Variants in TMEM117 observed in about 807,000 individuals in gnomAD.
TMEM117 encodes transmembrane protein 117.
A neutral mutation model predicts 52.4 loss-of-function variants in TMEM117; 27 were observed. That is an observed-to-expected ratio of 0.51 (90% CI 0.38 to 0.71). TMEM117 has a LOEUF of 0.71. TMEM117 is among the 30% of genes least tolerant of loss of function. The pLI is 0.00. For synonymous variants in TMEM117, 215 were observed against 206.3 expected (o/e 1.04, Z -0.36); for missense variants, 556 against 630.5 (o/e 0.88, Z 1.26).
intron 6 of TMEM117, among the ~76,000 whole-genome samples, chr12:44,328,764 T>C (rs190059629): frequency 6.6e-5 from 10 of 152,080 alleles, no homozygotes; most frequent in Admixed American, 6.6e-4. Flanking sequence ...TCAGATACCA[T>C]TCAAAAAAAC....
chr12:44,299,601 G>T lies in TMEM117; in HGVS notation c.630G>T (p.Thr210=). 2 of 1,614,104 alleles carry T rather than the reference G, an allele frequency of 1.2e-6. No individual in the cohort carries two copies. The highest frequency in any genetic ancestry group is 8.5e-7 in the Non-Finnish European group (1 of 1,180,002). ...TLFWTVLFTL[T]SVVVLVITTD... is the part of the protein sequence containing the mutation. ...ACAGGACAGTTCTTTTTACTCTGAC[G>T]TCTGTGGTTGTACTTGTGATTACAA... The change falls in exon 6 of 8, where the codon ACG becomes ACT. Residue 210 remains threonine, a synonymous_variant. Coordinates refer to ENST00000266534, the MANE Select transcript of TMEM117 (RefSeq NM_032256.3).
At chr12:43,892,447 A>G (rs945757840) in intron 2 of TMEM117, among the ~76,000 whole-genome samples, 2 of 152,208 alleles carry the variant, frequency 1.3e-5, no homozygotes, top group African/African-American at 4.8e-5. Context: ...GGTAAGCCAT[A>G]TCGTTTATAT....
At chr12:44,179,572 C>T (rs1277190639) in intron 4 of TMEM117, among the ~76,000 whole-genome samples, 2 of 152,222 alleles carry the variant, frequency 1.3e-5, no homozygotes, top group African/African-American at 4.8e-5. Context: ...CTGCTTATCT[C>T]CCTTCTTCTA....
chr12:43,879,239 GATTTT>G (rs1477014967), intron 2 of TMEM117, among the ~76,000 whole-genome samples: 3 of 152,146 alleles, frequency 2.0e-5, no homozygotes, highest in Non-Finnish European at 2.9e-5. Flanking sequence ...GAATAAGGCA[GATTTT>G]ATTTTATGTT....
At chr12:44,135,022 C>T (rs371366312) in intron 3 of TMEM117, among the ~76,000 whole-genome samples, 2 of 152,110 alleles carry the variant, frequency 1.3e-5, no homozygotes, top group Admixed American at 6.6e-5. Context: ...CCTCTGCCTG[C>T]CCTCTCACTC....
intron 4 of TMEM117, among the ~76,000 whole-genome samples, chr12:44,196,451 G>T (rs1592597766): frequency 6.6e-6 from 1 of 152,086 alleles, no homozygotes; most frequent in Admixed American, 6.6e-5. Context: ...GTAACCATAT[G>T]CTTCAATACA....
At chr12:44,038,525 G>T (rs1592462937) in intron 3 of TMEM117, among the ~76,000 whole-genome samples, 1 of 152,174 alleles carries the variant, frequency 6.6e-6, no homozygotes, top group Non-Finnish European at 1.5e-5. Flanking sequence ...CACCACTCGT[G>T]CCTGGCTTGC....
intron 3 of TMEM117, among the ~76,000 whole-genome samples, chr12:44,123,875 G>T (rs1284379119): frequency 6.6e-6 from 1 of 152,040 alleles, no homozygotes; most frequent in African/African-American, 2.4e-5. Context: ...GATTGTCTTG[G>T]CTAGTCATGA....
chr12:43,878,708 T>A (rs2137444876), intron 2 of TMEM117, among the ~76,000 whole-genome samples: 1 of 152,318 alleles, frequency 6.6e-6, no homozygotes, highest in East Asian at 1.9e-4. Context: ...TTAGAAAATT[T>A]TAAGCCTAGT....
chr12:44,395,703 A>G, the TMEM117 span, among the ~76,000 whole-genome samples: 1 of 152,200 alleles, frequency 6.6e-6, no homozygotes, highest in African/African-American at 2.4e-5. Flanking sequence ...TTGACTTTCT[A>G]GGGTCTTACA....
At chr12:43,804,725 C>T in the TMEM117 span, among the ~76,000 whole-genome samples, 5,978 of 152,156 alleles carry the variant, frequency 0.039, 142 homozygotes, top group African/African-American at 0.048. Context: ...CATAAAATAA[C>T]GAAGACTGTA....
intron 3 of TMEM117, among the ~76,000 whole-genome samples, chr12:44,041,780 G>C (rs1946802506): frequency 6.6e-6 from 1 of 152,150 alleles, no homozygotes; most frequent in Admixed American, 6.6e-5. Flanking sequence ...CCATGATCAA[G>C]TAGGGTTTAT....
At chr12:43,891,335 T>C (rs564205338) in intron 2 of TMEM117, among the ~76,000 whole-genome samples, 1 of 151,624 alleles carries the variant, frequency 6.6e-6, no homozygotes, top group Non-Finnish European at 1.5e-5. Flanking sequence ...TTAAGGCATC[T>C]TCTAACATTT....
chr12:44,121,427 C>T lies in TMEM117; in HGVS notation c.411-22098C>T, dbSNP rs1269388909. 6.6e-5 allele frequency among the ~76,000 whole-genome samples: 10 copies of T among 152,126 alleles called. No individual in the cohort carries two copies. The East Asian group carries it at 1.9e-3, about 29-fold the overall frequency. On this transcript the variant is annotated intron_variant, in intron 3 of 7. Coordinates refer to ENST00000266534, the MANE Select transcript of TMEM117 (RefSeq NM_032256.3). Reference sequence around the variant, plus strand: ...GCAATGCCAACCCCTCCTCTTATTCCTCCTCCTCAGCCAAGTCAGCGTAAA... The same window carrying T: ...GCAATGCCAACCCCTCCTCTTATTCTTCCTCCTCAGCCAAGTCAGCGTAAA...
chr12:43,897,977 G>T (rs1024946946), intron 2 of TMEM117, among the ~76,000 whole-genome samples: 9 of 151,618 alleles, frequency 5.9e-5, no homozygotes, highest in African/African-American at 2.2e-4. Flanking sequence ...CCATGGCGTC[G>T]GCTGTCAAGG....
chr12:43,943,135 G>A (rs1193637976), intron 2 of TMEM117, among the ~76,000 whole-genome samples: 3 of 116,912 alleles, frequency 2.6e-5, no homozygotes, highest in Admixed American at 1.3e-4. Context: ...CTGAGATCAC[G>A]CCACTGCACT....
chr12:44,012,780 A>G (rs996883849), intron 3 of TMEM117, among the ~76,000 whole-genome samples: 11 of 152,172 alleles, frequency 7.2e-5, no homozygotes, highest in African/African-American at 2.7e-4. Flanking sequence ...TGGTCTGACA[A>G]TTCCAACATT....
chr12:44,350,406 A>G (rs1242092652), intron 6 of TMEM117, among the ~76,000 whole-genome samples: 2 of 151,890 alleles, frequency 1.3e-5, no homozygotes. Flanking sequence ...ATCCAACTAT[A>G]TTTTTTAGTT....
At chr12:44,069,079 T>C (rs1947263298) in intron 3 of TMEM117, among the ~76,000 whole-genome samples, 1 of 152,208 alleles carries the variant, frequency 6.6e-6, no homozygotes, top group South Asian at 2.1e-4. Flanking sequence ...TTTTTAGTTA[T>C]GTTTATTTAG....
Sources: gnomAD v4.1 joint callset for allele counts (sites outside exome capture counted in the v4.1 genomes callset) on GRCh38, gnomAD v4.1.1 for gene constraint, MANE v1.5 for transcripts, NCBI Gene and HGNC (gene_info 2026-07-23, HGNC 2026-07-21) for gene names.